TXNDC15: variants seen among roughly 807,000 people sequenced by gnomAD.
TXNDC15 encodes the protein thioredoxin domain containing 15.
A neutral mutation model predicts 35.0 loss-of-function variants in TXNDC15; 24 were observed. The ratio of observed to expected loss-of-function variants is 0.68; its 90% CI spans 0.50 to 0.96. TXNDC15 has a LOEUF of 0.96. Among genes scored for constraint, TXNDC15 ranks in the 40% least tolerant of loss-of-function variants. The probability of loss-of-function intolerance (pLI) is 0.00; values close to 1 mark genes in which losing one functional copy is unlikely to be tolerated. For missense variants in TXNDC15, 385 were observed against 453.3 expected (o/e 0.85, Z 1.37); for synonymous variants, 169 against 174.0 (o/e 0.97, Z 0.23).
At chr5:134,877,578 A>G (rs1750057462) in intron 1 of TXNDC15, among the ~76,000 whole-genome samples, 1 of 151,900 alleles carries the variant, frequency 6.6e-6, no homozygotes, top group African/African-American at 2.4e-5. Context: ...GGGAAAGTAG[A>G]TGGATTGTGA....
intron 1 of TXNDC15, among the ~76,000 whole-genome samples, chr5:134,882,840 GGA>G (rs1051734101): frequency 6.6e-6 from 1 of 152,172 alleles, no homozygotes; most frequent in Non-Finnish European, 1.5e-5. Flanking sequence ...GAAAGAGGAG[GGA>G]GAGGGGGAGG....
At chr5:134,898,019 GAA>G (rs979527338) in intron 4 of TXNDC15, among the ~76,000 whole-genome samples, 1 of 140,318 alleles carries the variant, frequency 7.1e-6, no homozygotes, top group Admixed American at 7.1e-5. Flanking sequence ...AAAAAAAAAA[GAA>G]AAAAAAAAAG....
Position 134,896,277 on chromosome 5 carries a change from A to C in TXNDC15, c.756-17A>C. Reference sequence around the variant, plus strand: ...ATTAATAATAAATTCAGGTTTTTTGACTTCTTTCTCTTGTAGCCTTTCTAC... The same window carrying C: ...ATTAATAATAAATTCAGGTTTTTTGCCTTCTTTCTCTTGTAGCCTTTCTAC... On this transcript the variant is annotated splice_polypyrimidine_tract_variant and intron_variant, in intron 3 of 4. Coordinates refer to ENST00000358387, the MANE Select transcript of TXNDC15 (RefSeq NM_024715.4). 1 of 1,599,702 alleles carries C rather than the reference A, an allele frequency of 6.3e-7. No homozygotes were observed. The highest frequency in any genetic ancestry group is 8.5e-7 in the Non-Finnish European group (1 of 1,176,514).
chr5:134,896,736 C>T (rs112482375), intron 4 of TXNDC15, among the ~76,000 whole-genome samples: 3,688 of 150,268 alleles, frequency 0.025, 64 homozygotes, highest in Non-Finnish European at 0.041. Flanking sequence ...CTCCACCTCC[C>T]GGGTTCACGC....
At chr5:134,890,079 G>A (rs1028408531) in intron 2 of TXNDC15, among the ~76,000 whole-genome samples, 1 of 152,178 alleles carries the variant, frequency 6.6e-6, no homozygotes, top group African/African-American at 2.4e-5. Flanking sequence ...CACCCAGGCT[G>A]GAGTGTGGTG....
chr5:134,883,009 G>T (rs1750191761), intron 1 of TXNDC15, among the ~76,000 whole-genome samples: 1 of 152,226 alleles, frequency 6.6e-6, no homozygotes, highest in South Asian at 2.1e-4. Context: ...TACGATTTGG[G>T]CTGGGCACGG....
intron 3 of TXNDC15, among the ~76,000 whole-genome samples, chr5:134,894,860 A>G (rs954440355): frequency 1.3e-5 from 2 of 151,902 alleles, no homozygotes; most frequent in Non-Finnish European, 2.9e-5. Context: ...GGTAAAATGA[A>G]GTTGAGTAAA....
chr5:134,885,275 C>T (rs1750254248), intron 1 of TXNDC15, among the ~76,000 whole-genome samples: 1 of 152,230 alleles, frequency 6.6e-6, no homozygotes, highest in Non-Finnish European at 1.5e-5. Flanking sequence ...TACTTGAGAA[C>T]AGCTTGATTC....
intron 3 of TXNDC15, among the ~76,000 whole-genome samples, chr5:134,895,644 G>A (rs1324445504): frequency 2.0e-5 from 3 of 152,080 alleles, no homozygotes; most frequent in Non-Finnish European, 2.9e-5. Flanking sequence ...TTACTAATGC[G>A]GAAAATTGAG....
At chr5:134,885,831 G>T (rs918448600) in intron 1 of TXNDC15, among the ~76,000 whole-genome samples, 2 of 151,376 alleles carry the variant, frequency 1.3e-5, no homozygotes, top group Non-Finnish European at 2.9e-5. Context: ...TCCTGAAACT[G>T]TTGTTTTATA....
In TXNDC15 at chr5:134,887,978, C is replaced by G. The variant is rs759805212; in HGVS notation, c.387C>G (p.Ser129Arg). Residue 129 changes from serine (S) to arginine (R), a missense_variant, in exon 2 of 5, where the codon AGC becomes AGG. Transcript: ENST00000358387. ...ACTCAAGGTGCAACGTCCGAGAGAGCCTTTTCTCTCTGGATGGCGCTGGAG... is the reference window on the plus strand; with the variant it reads ...ACTCAAGGTGCAACGTCCGAGAGAGGCTTTTCTCTCTGGATGGCGCTGGAG... Reference protein sequence around the residue: ...AEDSRCNVRESLFSLDGAGAH... With the variant: ...AEDSRCNVRERLFSLDGAGAH... 1.5e-5 allele frequency: 24 copies of G among 1,614,062 alleles called. No homozygotes were observed. In the South Asian group the frequency reaches 2.3e-4, roughly 16 times the overall value.
intron 1 of TXNDC15, among the ~76,000 whole-genome samples, chr5:134,876,214 T>C (rs1382206491): frequency 1.3e-5 from 2 of 152,184 alleles, no homozygotes; most frequent in African/African-American, 4.8e-5. Context: ...TCCACCGTGC[T>C]CTGTGCCCTG....
At chr5:134,891,872 G>A (rs1021996664) in intron 2 of TXNDC15, among the ~76,000 whole-genome samples, 3 of 152,158 alleles carry the variant, frequency 2.0e-5, no homozygotes, top group East Asian at 3.9e-4. Context: ...CCATGATTGC[G>A]CCACTGTACT....
At chr5:134,895,803 C>G (rs541793364) in intron 3 of TXNDC15, among the ~76,000 whole-genome samples, 2 of 152,298 alleles carry the variant, frequency 1.3e-5, no homozygotes, top group East Asian at 3.9e-4. Context: ...TATATTCCTT[C>G]TAAACAAGTC....
chr5:134,899,463 T>A, intron 4 of TXNDC15, 26 bp from the exon 5 acceptor site: 1 of 1,600,646 alleles, frequency 6.2e-7, no homozygotes, highest in Non-Finnish European at 8.5e-7. Flanking sequence ...TTCTGCCTGA[T>A]TTGAAACCAG....
At chr5:134,896,895 G>A (rs1176761141) in intron 4 of TXNDC15, among the ~76,000 whole-genome samples, 3 of 151,198 alleles carry the variant, frequency 2.0e-5, no homozygotes, top group South Asian at 2.1e-4. Context: ...CACCCACCTC[G>A]GCCTCCCAAA....
intron 1 of TXNDC15, 27 bp from the exon 2 acceptor site, chr5:134,887,668 G>A (rs1750301550): frequency 1.3e-6 from 2 of 1,529,656 alleles, no homozygotes; most frequent in African/African-American, 2.8e-5. Flanking sequence ...AGTCAAATAT[G>A]ACTCTGAATG....
chr5:134,885,848 A>T (rs191013034), intron 1 of TXNDC15, among the ~76,000 whole-genome samples: 1 of 148,032 alleles, frequency 6.8e-6, no homozygotes, highest in Admixed American at 6.6e-5. Context: ...TATATATATT[A>T]TCTATTTGGT....
rs561090292 is a variant in TXNDC15, at chr5:134,885,173, C to T, written c.104-2522C>T. 9.2e-5 allele frequency among the ~76,000 whole-genome samples: 14 copies of T among 152,272 alleles called. No homozygotes were observed. The South Asian group carries it at 1.0e-3, about 11-fold the overall frequency. Reference sequence around the variant, plus strand: ...CTGACCTCAGGTGATCCACCCACCTCGGCCTTCCAAATTGCTGGGATTACA... The same window carrying T: ...CTGACCTCAGGTGATCCACCCACCTTGGCCTTCCAAATTGCTGGGATTACA... On this transcript the variant is annotated intron_variant, in intron 1 of 4. Coordinates refer to ENST00000358387, the MANE Select transcript of TXNDC15 (RefSeq NM_024715.4).
Sources: gnomAD v4.1 joint callset for allele counts (sites outside exome capture counted in the v4.1 genomes callset) on GRCh38, gnomAD v4.1.1 for gene constraint, MANE v1.5 for transcripts, NCBI Gene and HGNC (gene_info 2026-07-23, HGNC 2026-07-21) for gene names.